Variants in CWC25 observed in about 807,000 individuals in gnomAD.
CWC25 encodes CWC25 spliceosome associated protein, also known as pre-mRNA-splicing factor CWC25 homolog.
A neutral mutation model predicts 54.6 loss-of-function variants in CWC25; 31 were observed. The observed-to-expected ratio is 0.57, with a 90% CI of 0.43 to 0.77. The LOEUF (loss-of-function observed/expected upper bound fraction) is 0.77, where lower values mean the gene tolerates loss of function less well. CWC25 is among the 30% of genes least tolerant of loss of function. The pLI is 0.00. For missense variants in CWC25, 453 were observed against 529.3 expected (o/e 0.86, Z 1.41); for synonymous variants, 151 against 187.0 (o/e 0.81, Z 1.57).
chr17:38,819,116 G>A (rs1219356969), intron 2 of CWC25, among the ~76,000 whole-genome samples: 2 of 151,992 alleles, frequency 1.3e-5, no homozygotes, highest in African/African-American at 4.8e-5. Context: ...TCGAACTCCT[G>A]GGCTCAAGCA....
Position 38,806,308 on chromosome 17 carries a change from G to A in CWC25, c.990C>T (p.Pro330=), listed in dbSNP as rs367631531. The A allele has an allele frequency of 1.5e-5, 24 of 1,611,582 alleles. No individual in the cohort carries two copies. The highest frequency in any genetic ancestry group is 1.7e-4 in the Middle Eastern group (1 of 6,050). Residue 330 remains proline (P), a synonymous_variant, in exon 8 of 10, where the codon CCC becomes CCT. Coordinates refer to ENST00000614790, the MANE Select transcript of CWC25 (RefSeq NM_017748.5). ...GGCTCCTGACTCACCTGGTGTATCC[G>A]GGAGCATGTCGCCTTTGGTAGACCT... is the stretch of plus-strand genomic sequence containing the variant. The part of the protein sequence containing the change: ...KKEVYQRRHA[P]GYTRKLSAEE...
rs775775514 is a variant in CWC25 at position 38,802,817 on chromosome 17, A to G, written c.1046T>C (p.Met349Thr). The G allele has an allele frequency of 4.3e-6, 7 of 1,613,952 alleles. No individual in the cohort carries two copies. The South Asian group carries it at 5.5e-5, about 13-fold the overall frequency. The change falls in exon 9 of 10, where the codon ATG becomes ACG. Residue 349 changes from methionine to threonine, a missense_variant. Transcript: ENST00000614790. ...CTCCTCCCTCCATTTGGCGTTTTCCATCATCTCTTGCCGTTTTCGCTCTAA... is the reference window on the plus strand; with the variant it reads ...CTCCTCCCTCCATTTGGCGTTTTCCGTCATCTCTTGCCGTTTTCGCTCTAA... ...EELERKRQEM[M>T]ENAKWREEER...
intron 9 of CWC25, 55 bp from the exon 10 acceptor site, chr17:38,802,261 A>G: frequency 8.2e-7 from 1 of 1,218,100 alleles, no homozygotes; most frequent in South Asian, 1.3e-5. Context: ...TCAGTCAACT[A>G]TTCTGGCAGC....
In CWC25 at chr17:38,802,805, T is replaced by C. The variant is rs778243936; in HGVS notation, c.1058A>G (p.Lys353Arg). 1.2e-6 allele frequency: 2 copies of C among 1,613,870 alleles called. No homozygotes were observed. Among genetic ancestry groups the C allele is most frequent in the African/African-American group, 1.3e-5 (1 of 74,920 alleles). Residue 353 changes from lysine (K) to arginine (R), a missense_variant, in exon 9 of 10, where the codon AAA becomes AGA. Around this residue, in one of 2 missense-constraint regions of CWC25, gnomAD observed 444 missense variants for 499.2 expected, o/e 0.89. Coordinates refer to ENST00000614790, the MANE Select transcript of CWC25 (RefSeq NM_017748.5). ...RKRQEMMENAKWREEERLNIL... is the reference protein window; with the variant it reads ...RKRQEMMENARWREEERLNIL... ...GTTCAGTCTCTCCTCCTCCCTCCATTTGGCGTTTTCCATCATCTCTTGCCG... is the reference window on the plus strand; with the variant it reads ...GTTCAGTCTCTCCTCCTCCCTCCATCTGGCGTTTTCCATCATCTCTTGCCG...
At chr17:38,822,986 C>T (rs369143651) in intron 1 of CWC25, among the ~76,000 whole-genome samples, 2 of 151,098 alleles carry the variant, frequency 1.3e-5, no homozygotes, top group Admixed American at 6.6e-5. Context: ...TACAGACATC[C>T]GCCACCATGC....
rs147091139 is a variant in CWC25, at chr17:38,820,753, A to G, written c.191+148T>C. Reference sequence around the variant, plus strand: ...ATTTGATCACAGTTCCACAGCTAGTACATGCAAAGCCAACCTTAGAATCCA... The same window carrying G: ...ATTTGATCACAGTTCCACAGCTAGTGCATGCAAAGCCAACCTTAGAATCCA... On this transcript the variant is annotated intron_variant, in intron 2 of 9. Transcript: ENST00000614790. 4.1e-5 allele frequency: 37 copies of G among 913,152 alleles called. No individual in the cohort carries two copies. In the African/African-American group the frequency reaches 5.6e-4, roughly 14 times the overall value. 56.6% of individuals were successfully genotyped at this position (913,152 alleles called of 1,614,324 possible).
intron 6 of CWC25, among the ~76,000 whole-genome samples, chr17:38,808,975 C>T (rs747204817): frequency 2.7e-5 from 4 of 146,236 alleles, no homozygotes; most frequent in Non-Finnish European, 4.5e-5. Context: ...TACAGAAATA[C>T]AGAAGTCAAG....
chr17:38,812,845 T>C lies in CWC25; in HGVS notation c.448A>G (p.Lys150Glu). ...ACTGGATTATTTAATACCTCTCGTT[T>C]TTTCTCCTCCTCCTTCTTCCTAAAG... The part of the protein sequence containing the change: ...FIIRKKEEEK[K>E]REVLNNPVKM... The change falls in exon 4 of 10, where the codon AAA becomes GAA. Residue 150 changes from lysine (K) to glutamate (E), a missense_variant. Lys to Glu is a moderately conservative substitution (Grantham distance 56). Around this residue, in one of 2 missense-constraint regions of CWC25, gnomAD observed 444 missense variants for 499.2 expected, o/e 0.89. Transcript: ENST00000614790. 6.6e-7 allele frequency: 1 copy of C among 1,524,524 alleles called. No individual in the cohort carries two copies. Among genetic ancestry groups the C allele is most frequent in the Non-Finnish European group, 8.9e-7 (1 of 1,122,846 alleles). 94.4% of individuals were successfully genotyped at this position (1,524,524 alleles called of 1,614,324 possible). A position where few individuals can be genotyped will look rare whatever the true frequency, so the allele number is the denominator to read the frequency against.
In CWC25 at chr17:38,801,323, A is replaced by C. The variant is rs1911014349; in HGVS notation, c.*769T>G. On this transcript the variant is annotated 3_prime_UTR_variant, in exon 10 of 10. Coordinates refer to ENST00000614790, the MANE Select transcript of CWC25 (RefSeq NM_017748.5). ...GACTGCAAGCAGTGGAAAAGAATAG[A>C]TACTCCAGATCTCGTCGATAAACCC... The C allele has an allele frequency of 6.6e-6, 1 of 152,182 alleles. No homozygotes were observed. Among genetic ancestry groups the C allele is most frequent in the African/African-American group, 2.4e-5 (1 of 41,444 alleles). The allele number at this position is 152,182 out of a possible 1,614,324, so 9.4% of individuals were successfully genotyped here.
chr17:38,821,466 A>G (rs1236835695), intron 1 of CWC25, among the ~76,000 whole-genome samples: 1 of 152,188 alleles, frequency 6.6e-6, no homozygotes, highest in African/African-American at 2.4e-5. Flanking sequence ...AGGCTGAGGC[A>G]GGAGAATCGC....
chr17:38,825,120 C>G, intron 1 of CWC25, 46 bp downstream of exon 1: 2 of 1,373,752 alleles, frequency 1.5e-6, no homozygotes, highest in Non-Finnish European at 2.0e-6. Flanking sequence ...CTGCCAATTT[C>G]CGTCCCGGCC....
In CWC25 at chr17:38,809,716, C is replaced by T. The variant is rs780404274; in HGVS notation, c.676G>A (p.Gly226Arg). Residue 226 changes from glycine to arginine, a missense_variant, in exon 6 of 10, where the codon GGA (glycine) becomes AGA (arginine). Gly to Arg is a moderately radical substitution (Grantham distance 125). Transcript: ENST00000614790. Reference protein sequence around the residue: ...NSSPVLSKVPGYGLQVRNSDR... With the variant: ...NSSPVLSKVPRYGLQVRNSDR... ...CACATCCCTACCTGTAAGCCATATC[C>T]AGGGACTTTGGACAAAACAGGGGAG... 1.2e-6 allele frequency: 2 copies of T among 1,613,916 alleles called. No individual in the cohort carries two copies. The highest frequency in any genetic ancestry group is 2.2e-5 in the South Asian group (2 of 91,072).
At chr17:38,819,329 A>G (rs1409188036) in intron 2 of CWC25, among the ~76,000 whole-genome samples, 2 of 149,974 alleles carry the variant, frequency 1.3e-5, no homozygotes, top group Non-Finnish European at 3.0e-5. Flanking sequence ...CCTCCCGAGT[A>G]GCTGGGATTA....
At chr17:38,804,688 G>A (rs1337787866) in intron 8 of CWC25, among the ~76,000 whole-genome samples, 1 of 150,342 alleles carries the variant, frequency 6.7e-6, no homozygotes, top group African/African-American at 2.4e-5. Context: ...TGCGCCTGTA[G>A]TCCCAGCTAC....
chr17:38,818,369 G>A (rs1001883606), intron 2 of CWC25, among the ~76,000 whole-genome samples: 8 of 151,242 alleles, frequency 5.3e-5, no homozygotes, highest in South Asian at 4.2e-4. Context: ...CGAGGCGGGC[G>A]GATCATGAGG....
Position 38,815,595 on chromosome 17 carries a change from C to G in CWC25, c.192-498G>C, listed in dbSNP as rs1044001410. ...ATGGTGCTTGTCCTCATGAGGCTTA[C>G]GAGTGAATGGAGAGAGAATATTCAC... is the stretch of plus-strand genomic sequence containing the variant. On this transcript the variant is annotated intron_variant, in intron 2 of 9. Coordinates refer to ENST00000614790, the MANE Select transcript of CWC25 (RefSeq NM_017748.5). The G allele has an allele frequency of 7.6e-6, 7 of 921,752 alleles. No individual in the cohort carries two copies. The East Asian group carries it at 4.3e-4, about 56-fold the overall frequency. The allele number at this position is 921,752 out of a possible 1,614,324, so 57.1% of individuals were successfully genotyped here.
rs1351671648 is a variant in CWC25, at chr17:38,808,027, G to A, written c.691-1051C>T. 3.1e-5 allele frequency among the ~76,000 whole-genome samples: 4 copies of A among 127,624 alleles called. 1 individual carries two copies. 83.7% of individuals were successfully genotyped at this position (127,624 alleles called of 152,430 possible). A position where few individuals can be genotyped will look rare whatever the true frequency, so the allele number is the denominator to read the frequency against. On this transcript the variant is annotated intron_variant, in intron 6 of 9. Transcript: ENST00000614790. ...GCCGAGATGGCGCCACTGCATTCCA[G>A]CCTAGGCGACAGAGTGAGACTCCAT...
chr17:38,810,056 G>A (rs1185855917), intron 5 of CWC25, among the ~76,000 whole-genome samples: 1 of 151,936 alleles, frequency 6.6e-6, no homozygotes, highest in African/African-American at 2.4e-5. Context: ...AGCAGCGGCG[G>A]AGCTGACTGC....
Position 38,825,235 on chromosome 17 carries a change from C to A in CWC25, c.-52G>T, listed in dbSNP as rs373552739. 9 of 1,558,098 alleles carry A rather than the reference C, an allele frequency of 5.8e-6. No individual in the cohort carries two copies. In the African/African-American group the frequency reaches 1.1e-4, roughly 19 times the overall value. On this transcript the variant is annotated 5_prime_UTR_variant, in exon 1 of 10. Transcript: ENST00000614790. Reference sequence around the variant, plus strand: ...CGGATCTGGAAGATTTCGGGAGGATCAAGAGAAAACGTAGAGAAATAGTTC... The same window carrying A: ...CGGATCTGGAAGATTTCGGGAGGATAAAGAGAAAACGTAGAGAAATAGTTC...
Sources: gnomAD v4.1 joint callset for allele counts (sites outside exome capture counted in the v4.1 genomes callset) on GRCh38, gnomAD v4.1.1 for gene constraint, gnomAD v4.1.1 regional missense constraint, MANE v1.5 for transcripts, NCBI Gene and HGNC (gene_info 2026-07-23, HGNC 2026-07-21) for gene names.